Variants in EIF4G3 observed in about 807,000 individuals in gnomAD.
EIF4G3 encodes the protein eukaryotic translation initiation factor 4 gamma 3.
In EIF4G3, 34 loss-of-function variants were observed where a neutral mutation model predicts 186.4. The ratio of observed to expected loss-of-function variants is 0.18; its 90% confidence interval spans 0.14 to 0.24. EIF4G3 has a LOEUF of 0.24. Ranked by LOEUF, EIF4G3 falls within the 10% of genes least tolerant of loss-of-function variation. The pLI is 1.00. For synonymous variants in EIF4G3, 673 were observed against 679.5 expected, an observed-to-expected ratio of 0.99 and a Z score of 0.15; for missense variants, 1,536 against 1,948.5, an observed-to-expected ratio of 0.79 and a Z score of 3.99.
rs2074503192 is a variant in EIF4G3 at position 20,855,134 on chromosome 1, A to AT, written c.3340-64dup. 3.7e-6 allele frequency: 5 copies of AT among 1,358,492 alleles called. No individual in the cohort carries two copies. The South Asian group carries it at 4.0e-5, about 11-fold the overall frequency. 84.2% of individuals were successfully genotyped at this position (1,358,492 alleles called of 1,614,324 possible). ...ATTCTAGAAGAATAGTTTTTCTTTT[A>AT]TTTTTTTCTTCTTCAGTGAAGTAGA... is the stretch of plus-strand genomic sequence containing the variant. On this transcript the variant is annotated intron_variant, in intron 25 of 36. Coordinates refer to ENST00000602326, the MANE Select transcript of EIF4G3 (RefSeq NM_001391906.1).
At chr1:20,860,567 TA>T (rs1217199415) in intron 23 of EIF4G3, 50 bp from the exon 24 acceptor site, 1 of 1,577,142 alleles carries the variant, frequency 6.3e-7, no homozygotes, top group Non-Finnish European at 8.6e-7. Context: ...GAACATTTTT[TA>T]AAATTTAAAA....
chr1:21,070,671 A>G (rs1413368119), intron 3 of EIF4G3, among the ~76,000 whole-genome samples: 1 of 152,212 alleles, frequency 6.6e-6, no homozygotes, highest in Non-Finnish European at 1.5e-5. Flanking sequence ...AACATAAAAT[A>G]AAAAACAAAC....
rs541593100 is a variant in EIF4G3 at position 20,834,285 on chromosome 1, T to TA, written c.4062-5014dup. Among the ~76,000 whole-genome samples the TA allele has an allele frequency of 7.4e-4, 112 of 151,692 alleles. 1 individual carries two copies. The highest frequency in any genetic ancestry group is 3.8e-4 in the Non-Finnish European group (26 of 67,886). ...GCATTGTAGGGAGAATCTGTCTCTA[T>TA]AAAAAAATAAAAAAAATTAGCCAGG... On this transcript the variant is annotated intron_variant, in intron 30 of 36. Coordinates refer to ENST00000602326, the MANE Select transcript of EIF4G3 (RefSeq NM_001391906.1).
At position 20,942,340 on chromosome 1, in the gene EIF4G3, A is replaced by C; in HGVS notation, c.824-10T>G. 6.5e-7 allele frequency: 1 copy of C among 1,540,496 alleles called. No homozygotes were observed. Among genetic ancestry groups the C allele is most frequent in the Non-Finnish European group, 8.7e-7 (1 of 1,149,086 alleles). On this transcript the variant is annotated splice_polypyrimidine_tract_variant and intron_variant, in intron 13 of 36. Transcript: ENST00000602326. Reference sequence around the variant, plus strand: ...GGTTTTGGCTTCTCCTCTGGGGAAAAAAAAATAAGTTTTAAGAATAATTCT... The same window carrying C: ...GGTTTTGGCTTCTCCTCTGGGGAAACAAAAATAAGTTTTAAGAATAATTCT...
At chr1:21,051,706 T>C (rs1237888276) in intron 3 of EIF4G3, among the ~76,000 whole-genome samples, 1 of 152,110 alleles carries the variant, frequency 6.6e-6, no homozygotes, top group East Asian at 1.9e-4. Flanking sequence ...AAAAAAATTT[T>C]TTTTTCATTA....
At chr1:21,078,783 G>A (rs1009662319) in intron 3 of EIF4G3, among the ~76,000 whole-genome samples, 2 of 152,100 alleles carry the variant, frequency 1.3e-5, no homozygotes, top group Non-Finnish European at 2.9e-5. Flanking sequence ...TCAGGAGTTC[G>A]AGACCAGCCT....
At chr1:21,051,429 GTC>G (rs1257458483) in intron 3 of EIF4G3, among the ~76,000 whole-genome samples, 2 of 152,124 alleles carry the variant, frequency 1.3e-5, no homozygotes, top group Admixed American at 1.3e-4. Flanking sequence ...AGAATTGAAT[GTC>G]TCTGCTTGTC....
chr1:21,153,438 T>G (rs2097581721), intron 2 of EIF4G3, among the ~76,000 whole-genome samples: 1 of 152,240 alleles, frequency 6.6e-6, no homozygotes, highest in African/African-American at 2.4e-5. Flanking sequence ...AACCCTCGCA[T>G]TCTAAGATTC....
At chr1:21,155,418 T>C (rs926086699) in intron 2 of EIF4G3, among the ~76,000 whole-genome samples, 3 of 152,212 alleles carry the variant, frequency 2.0e-5, no homozygotes, top group Non-Finnish European at 4.4e-5. Flanking sequence ...GTTCAATTCC[T>C]GATTAGCATA....
intron 25 of EIF4G3, 97 bp from the exon 26 acceptor site, chr1:20,855,168 T>G: frequency 1.1e-6 from 1 of 925,090 alleles, no homozygotes; most frequent in Non-Finnish European, 1.6e-6. Flanking sequence ...GAACCAATTT[T>G]AGCAACAAAA....
At chr1:21,100,399 C>T (rs933863714) in intron 2 of EIF4G3, among the ~76,000 whole-genome samples, 2 of 151,772 alleles carry the variant, frequency 1.3e-5, no homozygotes, top group African/African-American at 4.8e-5. Context: ...AATGCTGTTA[C>T]CAAAAAAAGT....
intron 14 of EIF4G3, among the ~76,000 whole-genome samples, chr1:20,931,901 G>A: frequency 6.8e-6 from 1 of 147,768 alleles, no homozygotes; most frequent in East Asian, 2.0e-4. Flanking sequence ...CTCCAGGCTG[G>A]AGACAGAGCA....
intron 13 of EIF4G3, among the ~76,000 whole-genome samples, chr1:20,942,875 CATTTT>C (rs1280440078): frequency 2.0e-5 from 3 of 152,078 alleles, no homozygotes; most frequent in African/African-American, 7.2e-5. Context: ...TAAAGCATCA[CATTTT>C]ATTTAATGAA....
intron 30 of EIF4G3, among the ~76,000 whole-genome samples, chr1:20,839,883 T>C (rs553535866): frequency 1.1e-4 from 16 of 146,092 alleles, no homozygotes; most frequent in African/African-American, 4.1e-4. Context: ...CATATGTGCA[T>C]TTAATTTATG....
chr1:20,994,253 G>A (rs2081765915), intron 7 of EIF4G3, among the ~76,000 whole-genome samples: 1 of 152,102 alleles, frequency 6.6e-6, no homozygotes, highest in Non-Finnish European at 1.5e-5. Context: ...ATCTCCTGTG[G>A]ATGCAAAATA....
intron 2 of EIF4G3, among the ~76,000 whole-genome samples, chr1:21,136,566 A>G (rs1347007370): frequency 6.6e-6 from 1 of 152,130 alleles, no homozygotes; most frequent in Non-Finnish European, 1.5e-5. Flanking sequence ...CCTTGCCTTA[A>G]CTACATGGTT....
At chr1:21,027,552 C>T (rs2092297345) in intron 4 of EIF4G3, among the ~76,000 whole-genome samples, 1 of 151,842 alleles carries the variant, frequency 6.6e-6, no homozygotes, top group Non-Finnish European at 1.5e-5. Flanking sequence ...ATCGCTTGAA[C>T]TCAGGAGGCA....
intron 30 of EIF4G3, among the ~76,000 whole-genome samples, chr1:20,829,871 T>A (rs980421696): frequency 6.6e-6 from 1 of 152,212 alleles, no homozygotes; most frequent in African/African-American, 2.4e-5. Flanking sequence ...TTTTGTGCTA[T>A]GAATTATAAA....
chr1:20,930,349 A>G (rs2095247874), intron 14 of EIF4G3, among the ~76,000 whole-genome samples: 2 of 152,172 alleles, frequency 1.3e-5, no homozygotes, highest in South Asian at 4.1e-4. Flanking sequence ...CATTTTACCC[A>G]ATCCTCTCAT....
Sources: allele counts gnomAD v4.1 joint callset (sites outside exome capture counted in the v4.1 genomes callset), GRCh38; gene constraint gnomAD v4.1.1; transcripts MANE v1.5; gene names NCBI Gene and HGNC (gene_info 2026-07-23, HGNC 2026-07-21).